Variants in DACH2 observed in about 807,000 individuals in gnomAD.
The protein encoded by DACH2 is dachshund family transcription factor 2.
In DACH2, 17 loss-of-function variants were observed where a neutral mutation model predicts 35.8. That is an observed-to-expected ratio of 0.48 (90% confidence interval 0.33 to 0.71). The LOEUF is 0.71. Among genes scored for constraint, DACH2 ranks in the 30% least tolerant of loss-of-function variants. The pLI, the probability that DACH2 is intolerant of heterozygous loss-of-function variation, is 0.02. For missense variants in DACH2, 469 were observed against 472.7 expected, an observed-to-expected ratio of 0.99 and a Z score of 0.07; for synonymous variants, 195 against 177.3, an observed-to-expected ratio of 1.10 and a Z score of -0.79.
At chrX:86,475,572 A>G (rs2037829555) in intron 2 of DACH2, among the ~76,000 whole-genome samples, 1 of 112,178 alleles carries the variant, frequency 8.9e-6, no homozygotes. Context: ...ATAAGTTCTA[A>G]CAATTTTTTG....
At position 86,148,523 on chromosome X, in the gene DACH2, CAG is replaced by C. The variant is rs1354345548; in HGVS notation, c.-91_-90del. ...CAGTTCGGAGCCAGCGAGAGCGCGC[CAG>C]AGAGAGCGAGAGTGAGGGAGTGAGT... is the stretch of plus-strand genomic sequence containing the variant. On this transcript the variant is annotated 5_prime_UTR_variant, in exon 1 of 12. Coordinates refer to ENST00000373125, the MANE Select transcript of DACH2 (RefSeq NM_053281.3). The C allele has an allele frequency of 1.0e-6, 1 of 981,697 alleles. No individual in the cohort carries two copies. Among genetic ancestry groups the C allele is most frequent in the Non-Finnish European group, 1.4e-6 (1 of 737,265 alleles). The allele number at this position is 981,697 out of a possible 1,213,427, so 80.9% of individuals were successfully genotyped here.
rs1021767684 is a variant in DACH2 at position 86,469,615 on chromosome X, G to C, written c.528-44664G>C. On this transcript the variant is annotated intron_variant, in intron 2 of 11. Coordinates refer to ENST00000373125, the MANE Select transcript of DACH2 (RefSeq NM_053281.3). ...AGGTATAAAGTGATAAGTATTAGTA[G>C]TTACATGAAGACATATTTTAGTGTC... Among the ~76,000 whole-genome samples the C allele has an allele frequency of 7.2e-5, 8 of 110,919 alleles. No homozygotes were observed. In the East Asian group the frequency reaches 2.3e-3, roughly 32 times the overall value.
chrX:86,774,004 A>G (rs757905693), intron 7 of DACH2, among the ~76,000 whole-genome samples: 1 of 111,705 alleles, frequency 9.0e-6, no homozygotes, highest in South Asian at 3.8e-4. Context: ...GGAACCTCCA[A>G]ACTCTTCTCC....
At chrX:86,410,138 T>C (rs2036587311) in intron 2 of DACH2, among the ~76,000 whole-genome samples, 1 of 112,323 alleles carries the variant, frequency 8.9e-6, no homozygotes, top group Admixed American at 9.5e-5. Flanking sequence ...GCACCGTTAA[T>C]AGCAAAAGAC....
At chrX:86,733,960 C>T (rs1394552806) in intron 6 of DACH2, among the ~76,000 whole-genome samples, 10 of 84,559 alleles carry the variant, frequency 1.2e-4, no homozygotes, top group African/African-American at 2.9e-4. Flanking sequence ...GAGCATGAGA[C>T]GAAGATACAT....
At chrX:86,173,654 A>G (rs1363134848) in intron 1 of DACH2, among the ~76,000 whole-genome samples, 1 of 111,938 alleles carries the variant, frequency 8.9e-6, no homozygotes, top group African/African-American at 3.2e-5. Context: ...GAAAGAGATC[A>G]TAATGGTAAT....
chrX:86,221,629 T>A (rs1297862057), intron 1 of DACH2, among the ~76,000 whole-genome samples: 1 of 111,952 alleles, frequency 8.9e-6, no homozygotes, highest in African/African-American at 3.2e-5. Context: ...TAACATTAAA[T>A]CTCTCAGAAA....
chrX:86,449,755 C>T (rs1242914911), intron 2 of DACH2, among the ~76,000 whole-genome samples: 2 of 111,481 alleles, frequency 1.8e-5, no homozygotes, highest in Non-Finnish European at 3.8e-5. Flanking sequence ...ACTTTGATCA[C>T]ATTAATAAAA....
At chrX:86,759,595 T>C (rs1392953272) in intron 7 of DACH2, among the ~76,000 whole-genome samples, 2 of 110,062 alleles carry the variant, frequency 1.8e-5, no homozygotes, top group African/African-American at 3.3e-5. Context: ...TCAGCTAGTC[T>C]ATATCTTTTA....
At chrX:86,529,977 G>GCACACGCA (rs1556296730) in intron 3 of DACH2, among the ~76,000 whole-genome samples, 3 of 84,245 alleles carry the variant, frequency 3.6e-5, no homozygotes, top group African/African-American at 1.4e-4. Flanking sequence ...ACACACACAC[G>GCACACGCA]CACACACACA....
At chrX:86,236,186 C>A (rs1417573427) in intron 1 of DACH2, among the ~76,000 whole-genome samples, 1 of 111,735 alleles carries the variant, frequency 8.9e-6, no homozygotes, top group African/African-American at 3.3e-5. Context: ...TTCCATATTT[C>A]TATACAGCAC....
chrX:86,206,720 C>A (rs1045704991), intron 1 of DACH2, among the ~76,000 whole-genome samples: 3 of 111,567 alleles, frequency 2.7e-5, no homozygotes, highest in African/African-American at 9.8e-5. Flanking sequence ...CTGTTTGCTT[C>A]GTTGGGTGTA....
intron 2 of DACH2, among the ~76,000 whole-genome samples, chrX:86,408,117 G>GA (rs1455006679): frequency 3.6e-5 from 4 of 111,213 alleles, no homozygotes; most frequent in Non-Finnish European, 7.5e-5. Context: ...ATATCGTTGT[G>GA]ACTGCACACT....
chrX:86,294,613 C>G (rs991817343), intron 1 of DACH2, among the ~76,000 whole-genome samples: 3 of 109,273 alleles, frequency 2.7e-5, no homozygotes, highest in African/African-American at 1.0e-4. Flanking sequence ...GTGTGGATGT[C>G]CTTTCTGTTT....
At chrX:86,288,178 G>T (rs771564936) in intron 1 of DACH2, among the ~76,000 whole-genome samples, 4 of 112,336 alleles carry the variant, frequency 3.6e-5, no homozygotes, top group South Asian at 3.7e-4. Context: ...AGATTGCAGA[G>T]AATTCTCCAG....
intron 1 of DACH2, among the ~76,000 whole-genome samples, chrX:86,178,816 TC>T (rs2031387218): frequency 8.9e-6 from 1 of 111,872 alleles, no homozygotes; most frequent in African/African-American, 3.2e-5. Flanking sequence ...AGCTCTTATT[TC>T]TGAAATTGGT....
intron 1 of DACH2, among the ~76,000 whole-genome samples, chrX:86,203,873 T>A (rs746671266): frequency 9.0e-6 from 1 of 111,351 alleles, no homozygotes; most frequent in South Asian, 3.8e-4. Flanking sequence ...GAAGTAGGTG[T>A]CTACGGGATT....
Position 86,426,555 on chromosome X carries a change from C to T in DACH2, c.527+49693C>T, listed in dbSNP as rs763951845. On this transcript the variant is annotated intron_variant, in intron 2 of 11. Coordinates refer to ENST00000373125, the MANE Select transcript of DACH2 (RefSeq NM_053281.3). ...AAACAATTTTGCTAAACTTATACAG[C>T]GATATACTTTTTCCCATTTCTAGGT... Among the ~76,000 whole-genome samples, 4 of 111,596 alleles carry T rather than the reference C, an allele frequency of 3.6e-5. No individual in the cohort carries two copies. In the East Asian group the frequency reaches 8.4e-4, roughly 23 times the overall value.
chrX:86,746,760 G>C (rs929168264), intron 7 of DACH2, among the ~76,000 whole-genome samples: 1 of 110,856 alleles, frequency 9.0e-6, no homozygotes, highest in Admixed American at 9.7e-5. Flanking sequence ...TTGATGGACA[G>C]GTTATTCATT....
Sources: allele counts gnomAD v4.1 joint callset (sites outside exome capture counted in the v4.1 genomes callset), GRCh38; gene constraint gnomAD v4.1.1; transcripts MANE v1.5; gene names NCBI Gene and HGNC (gene_info 2026-07-23, HGNC 2026-07-21).